NEIL3: variants seen among roughly 807,000 people sequenced by gnomAD.
NEIL3 encodes the protein nei like DNA glycosylase 3.
Under a neutral mutation model 57.5 loss-of-function variants are expected in NEIL3, and 48 were observed. The observed-to-expected ratio is 0.83, with a 90% CI of 0.66 to 1.06. NEIL3 has a LOEUF of 1.06. Among genes scored for constraint, NEIL3 ranks in the 50% least tolerant of loss-of-function variants. The pLI is 0.00. For synonymous variants in NEIL3, 261 were observed against 253.2 expected (o/e 1.03, Z -0.29); for missense variants, 717 against 739.1 (o/e 0.97, Z 0.35).
intron 6 of NEIL3, among the ~76,000 whole-genome samples, chr4:177,344,732 T>C (rs1579000474): frequency 6.6e-6 from 1 of 152,106 alleles, no homozygotes; most frequent in East Asian, 1.9e-4. Context: ...CAGCTAATTT[T>C]TGTATTTTTA....
At chr4:177,340,256 T>C (rs1162263629) in intron 5 of NEIL3, among the ~76,000 whole-genome samples, 1 of 152,206 alleles carries the variant, frequency 6.6e-6, no homozygotes, top group Non-Finnish European at 1.5e-5. Context: ...CACTTACTAC[T>C]ATCTGTGTGG....
chr4:177,351,497 C>T lies in NEIL3; in HGVS notation c.987C>T (p.Ile329=). Residue 329 remains isoleucine (I), a synonymous_variant, in exon 7 of 10, where the codon ATC becomes ATT. Coordinates refer to ENST00000264596, the MANE Select transcript of NEIL3 (RefSeq NM_018248.3). ...GGACCTGTGTGGTGTGTACTTTAAT[C>T]AATAAGCCCTCTTCTAAGGCATGTG... is the stretch of plus-strand genomic sequence containing the variant. ...EHWTCVVCTL[I]NKPSSKACDA... is the part of the protein sequence containing the mutation. The T allele has an allele frequency of 1.2e-6, 2 of 1,613,982 alleles. No individual in the cohort carries two copies. The highest frequency in any genetic ancestry group is 8.5e-7 in the Non-Finnish European group (1 of 1,179,934).
rs73867906 is a variant in NEIL3, at chr4:177,349,327, A to G, written c.870-2053A>G. ...ACATCAGTTTCATTGAACCAAAATT[A>G]AGGTGTGGGTAGGACTGTGCTCCCT... On this transcript the variant is annotated intron_variant, in intron 6 of 9. Coordinates refer to ENST00000264596, the MANE Select transcript of NEIL3 (RefSeq NM_018248.3). Among the ~76,000 whole-genome samples, 1,164 of 152,250 alleles carry G rather than the reference A, an allele frequency of 7.6e-3. 8 individuals carry two copies. The highest frequency in any genetic ancestry group is 0.027 in the African/African-American group (1,103 of 41,540).
intron 6 of NEIL3, chr4:177,343,220 A>C (rs1440080382): frequency 6.6e-6 from 1 of 152,204 alleles, no homozygotes; most frequent in Non-Finnish European, 1.5e-5. Flanking sequence ...AGTATGTGTT[A>C]GATATGTGAA....
the NEIL3 span, among the ~76,000 whole-genome samples, chr4:177,369,686 C>T: frequency 2.0e-5 from 3 of 151,942 alleles, no homozygotes; most frequent in East Asian, 1.9e-4. Context: ...GTCAGACTGC[C>T]GGTCCCAAGA....
At chr4:177,358,877 G>A (rs9994685) in intron 8 of NEIL3, among the ~76,000 whole-genome samples, 145,483 of 152,308 alleles carry the variant, frequency 0.96, 69,532 homozygotes, top group Middle Eastern at 0.98. Flanking sequence ...AACTGTTTTT[G>A]TGTCCACACA....
chr4:177,344,894 A>G (rs1348797099), intron 6 of NEIL3, among the ~76,000 whole-genome samples: 5 of 152,190 alleles, frequency 3.3e-5, no homozygotes, highest in Non-Finnish European at 7.3e-5. Flanking sequence ...GCTAGCTAAT[A>G]TAATTTATGT....
chr4:177,347,525 A>G (rs1487803532), intron 6 of NEIL3, among the ~76,000 whole-genome samples: 1 of 152,204 alleles, frequency 6.6e-6, no homozygotes, highest in Non-Finnish European at 1.5e-5. Flanking sequence ...GCAGGAGGGC[A>G]GCATGAAGTG....
At chr4:177,356,481 T>G (rs1191071457) in intron 8 of NEIL3, among the ~76,000 whole-genome samples, 1 of 152,200 alleles carries the variant, frequency 6.6e-6, no homozygotes, top group Non-Finnish European at 1.5e-5. Flanking sequence ...CCCAGCTACT[T>G]TACAAGGAAT....
At chr4:177,311,003 C>T (rs1000540377) in intron 1 of NEIL3, among the ~76,000 whole-genome samples, 8 of 152,174 alleles carry the variant, frequency 5.3e-5, no homozygotes, top group Non-Finnish European at 1.5e-5. Flanking sequence ...ATAAGTTTTA[C>T]ATCTCCTTCC....
chr4:177,324,385 ATGAATCTCCTGGGATTCATTGGT>A (rs1252555688), intron 2 of NEIL3, among the ~76,000 whole-genome samples: 76 of 152,276 alleles, frequency 5.0e-4, no homozygotes, highest in Non-Finnish European at 1.0e-3. Context: ...AGGTTGGGCC[ATGAATCTCCTGGGATTCATTGGT>A]TGAATCTCCT....
intron 2 of NEIL3, among the ~76,000 whole-genome samples, chr4:177,329,338 TATAA>T (rs1734839004): frequency 6.6e-6 from 1 of 152,076 alleles, no homozygotes. Flanking sequence ...AAGACCCAAC[TATAA>T]TGTGCCTATA....
intron 6 of NEIL3, among the ~76,000 whole-genome samples, chr4:177,349,164 G>C (rs1165043625): frequency 1.3e-5 from 2 of 151,610 alleles, no homozygotes; most frequent in East Asian, 1.9e-4. Context: ...TTACAGGCGT[G>C]AGCCACCGCG....
At chr4:177,368,114 A>G in the NEIL3 span, among the ~76,000 whole-genome samples, 1 of 152,342 alleles carries the variant, frequency 6.6e-6, no homozygotes, top group East Asian at 1.9e-4. Context: ...CATGTCTTTA[A>G]TATGTACAAA....
intron 7 of NEIL3, among the ~76,000 whole-genome samples, chr4:177,352,707 G>A (rs1032112497): frequency 1.3e-5 from 2 of 151,888 alleles, no homozygotes; most frequent in African/African-American, 2.4e-5. Flanking sequence ...GCGGGTGCCC[G>A]TAATCCCAGC....
At chr4:177,320,626 C>T (rs1188029163) in intron 1 of NEIL3, among the ~76,000 whole-genome samples, 2 of 151,170 alleles carry the variant, frequency 1.3e-5, no homozygotes, top group African/African-American at 4.9e-5. Context: ...TACAGGCGCC[C>T]GCCACCATGC....
intron 6 of NEIL3, among the ~76,000 whole-genome samples, chr4:177,349,594 C>T (rs1735309689): frequency 6.6e-6 from 1 of 152,184 alleles, no homozygotes; most frequent in Admixed American, 6.5e-5. Context: ...ATCTGCAAAC[C>T]CTCCTTCTTT....
chr4:177,357,403 C>G (rs907823312), intron 8 of NEIL3, among the ~76,000 whole-genome samples: 15 of 151,488 alleles, frequency 9.9e-5, no homozygotes, highest in African/African-American at 2.4e-4. Flanking sequence ...ACCAGGGTTA[C>G]TGTATTTTAT....
intron 8 of NEIL3, among the ~76,000 whole-genome samples, chr4:177,357,379 G>C (rs1034792830): frequency 6.6e-6 from 1 of 151,646 alleles, no homozygotes; most frequent in Non-Finnish European, 1.5e-5. Flanking sequence ...TTTTTTTTAA[G>C]TTCATCAGCT....
Sources: gnomAD v4.1 joint callset for allele counts (sites outside exome capture counted in the v4.1 genomes callset) on GRCh38, gnomAD v4.1.1 for gene constraint, MANE v1.5 for transcripts, NCBI Gene and HGNC (gene_info 2026-07-23, HGNC 2026-07-21) for gene names.